SH3RF3: variants seen among roughly 807,000 people sequenced by gnomAD.
The protein encoded by SH3RF3 is SH3 domain containing ring finger 3.
In SH3RF3, 29 loss-of-function variants were observed where a neutral mutation model predicts 66.3. The observed-to-expected ratio is 0.44, with a 90% CI of 0.33 to 0.60. SH3RF3 has a LOEUF of 0.60. SH3RF3 is among the 20% of genes least tolerant of loss of function. The pLI, the probability that SH3RF3 is intolerant of heterozygous loss-of-function variation, is 0.04. For synonymous variants in SH3RF3, 583 were observed against 532.0 expected, an observed-to-expected ratio of 1.10 and a Z score of -1.32; for missense variants, 1,194 against 1,190.9, an observed-to-expected ratio of 1.00 and a Z score of -0.04.
intron 1 of SH3RF3, among the ~76,000 whole-genome samples, chr2:109,133,804 T>G (rs1209971771): frequency 2.6e-5 from 4 of 151,648 alleles, no homozygotes; most frequent in African/African-American, 9.7e-5. Context: ...GCATTATGAG[T>G]ACAACTTGCA....
At chr2:109,396,538 A>G (rs1676150717) in intron 3 of SH3RF3, among the ~76,000 whole-genome samples, 1 of 152,152 alleles carries the variant, frequency 6.6e-6, no homozygotes, top group African/African-American at 2.4e-5. Flanking sequence ...ATGCCACTTA[A>G]ACTCAGCAGG....
intron 1 of SH3RF3, among the ~76,000 whole-genome samples, chr2:109,133,784 T>G (rs993614330): frequency 2.6e-5 from 4 of 151,406 alleles, no homozygotes; most frequent in African/African-American, 9.7e-5. Context: ...TGAATTATGG[T>G]GCATATTTAG....
rs373793838 is a variant in SH3RF3, at chr2:109,419,592, G to A, written c.1353G>A (p.Ser451=). 3.2e-5 allele frequency: 51 copies of A among 1,596,766 alleles called. No homozygotes were observed. The highest frequency in any genetic ancestry group is 1.4e-4 in the South Asian group (12 of 87,892). ...CCACGGCTGTCCCACGGGCTGCCTC[G>A]GTGTCTGGAGAGCAGGGCACGCCTC... The part of the protein sequence containing the change: ...STPTAVPRAA[S]VSGEQGTPPK... Residue 451 remains serine (S), a synonymous_variant, in exon 5 of 10, where the codon TCG becomes TCA. Coordinates refer to ENST00000309415, the MANE Select transcript of SH3RF3 (RefSeq NM_001099289.3).
chr2:109,265,816 GAAAT>G (rs1558990676), intron 1 of SH3RF3, among the ~76,000 whole-genome samples: 1 of 152,224 alleles, frequency 6.6e-6, no homozygotes, highest in Non-Finnish European at 1.5e-5. Context: ...AGGGCAGAGA[GAAAT>G]AATGAGAGGT....
chr2:109,165,869 C>T (rs1677607858), intron 1 of SH3RF3, among the ~76,000 whole-genome samples: 1 of 152,242 alleles, frequency 6.6e-6, no homozygotes, highest in African/African-American at 2.4e-5. Flanking sequence ...TCTACGTGTG[C>T]CCAGGCTGGA....
At chr2:109,460,479 T>C (rs1678181331) in intron 8 of SH3RF3, among the ~76,000 whole-genome samples, 1 of 152,148 alleles carries the variant, frequency 6.6e-6, no homozygotes, top group Non-Finnish European at 1.5e-5. Context: ...GCTGAGCCCA[T>C]GCATCACCTC....
intron 3 of SH3RF3, among the ~76,000 whole-genome samples, chr2:109,383,853 T>C (rs1675756319): frequency 6.6e-6 from 1 of 152,186 alleles, no homozygotes. Flanking sequence ...AGTCCGTCCT[T>C]ATACCCTTTA....
At chr2:109,361,533 G>A (rs1023684401) in intron 2 of SH3RF3, among the ~76,000 whole-genome samples, 3 of 152,090 alleles carry the variant, frequency 2.0e-5, no homozygotes, top group African/African-American at 7.2e-5. Context: ...GAGTGCAGTG[G>A]CGCGATCTTG....
At position 109,403,917 on chromosome 2, in the gene SH3RF3, C is replaced by T. The variant is rs73955577; in HGVS notation, c.1299+4974C>T. ...GGCCACTGTGAGGGTGGAGTGAGGGCGTGCGTGCGGGCTGCCCTCCTTGGT... is the reference window on the plus strand; with the variant it reads ...GGCCACTGTGAGGGTGGAGTGAGGGTGTGCGTGCGGGCTGCCCTCCTTGGT... On this transcript the variant is annotated intron_variant, in intron 4 of 9. Coordinates refer to ENST00000309415, the MANE Select transcript of SH3RF3 (RefSeq NM_001099289.3). Among the ~76,000 whole-genome samples, 1,246 of 152,316 alleles carry T rather than the reference C, an allele frequency of 8.2e-3. 11 individuals are homozygous for T. The highest frequency in any genetic ancestry group is 0.028 in the African/African-American group (1,174 of 41,558).
intron 7 of SH3RF3, 22 bp from the exon 8 acceptor site, chr2:109,449,148 G>C: frequency 6.2e-7 from 1 of 1,608,958 alleles, no homozygotes; most frequent in South Asian, 1.1e-5. Context: ...TCAACCTGCT[G>C]TCTCTCCAAC....
At chr2:109,163,004 T>A (rs955309891) in intron 1 of SH3RF3, among the ~76,000 whole-genome samples, 1 of 152,214 alleles carries the variant, frequency 6.6e-6, no homozygotes, top group African/African-American at 2.4e-5. Flanking sequence ...ACTCCTTTGA[T>A]TTGGAGGGAA....
chr2:109,217,692 C>T (rs1375646103), intron 1 of SH3RF3, among the ~76,000 whole-genome samples: 7 of 152,290 alleles, frequency 4.6e-5, no homozygotes, highest in African/African-American at 7.2e-5. Flanking sequence ...ACCAGATGTC[C>T]GAAGACCTTT....
intron 1 of SH3RF3, among the ~76,000 whole-genome samples, chr2:109,332,643 A>G (rs923150640): frequency 2.0e-5 from 3 of 152,178 alleles, no homozygotes; most frequent in Non-Finnish European, 4.4e-5. Flanking sequence ...TGGGTGGAAC[A>G]TCCTCTAATT....
intron 1 of SH3RF3, among the ~76,000 whole-genome samples, chr2:109,188,316 T>C (rs909690145): frequency 3.9e-5 from 6 of 152,180 alleles, no homozygotes; most frequent in African/African-American, 1.4e-4. Flanking sequence ...AAATGGAAGC[T>C]GTCTGGCCTG....
intron 1 of SH3RF3, among the ~76,000 whole-genome samples, chr2:109,302,579 T>C (rs1681496308): frequency 6.6e-6 from 1 of 151,868 alleles, no homozygotes; most frequent in Admixed American, 6.5e-5. Flanking sequence ...CTGCTGACAG[T>C]GCTAAATTTT....
intron 2 of SH3RF3, among the ~76,000 whole-genome samples, chr2:109,366,315 G>A (rs552336384): frequency 6.6e-6 from 1 of 152,290 alleles, no homozygotes; most frequent in South Asian, 2.1e-4. Context: ...GTAAATTACA[G>A]TAAATTCATA....
intron 1 of SH3RF3, among the ~76,000 whole-genome samples, chr2:109,292,628 A>G (rs775405052): frequency 3.9e-5 from 6 of 151,984 alleles, no homozygotes; most frequent in Admixed American, 1.3e-4. Context: ...CCTCTTGCCA[A>G]TTTTCTATCT....
At chr2:109,266,439 C>G (rs1308311344) in intron 1 of SH3RF3, among the ~76,000 whole-genome samples, 1 of 152,122 alleles carries the variant, frequency 6.6e-6, no homozygotes, top group African/African-American at 2.4e-5. Context: ...AGTCTGAGGA[C>G]TTGACAAGGG....
At chr2:109,297,901 C>CA (rs559571957) in intron 1 of SH3RF3, among the ~76,000 whole-genome samples, 411 of 152,186 alleles carry the variant, frequency 2.7e-3, no homozygotes, top group Admixed American at 7.3e-3. Context: ...TGCCCACAAC[C>CA]ATGTCAATGC....
Sources: gnomAD v4.1 joint callset for allele counts (sites outside exome capture counted in the v4.1 genomes callset) on GRCh38, gnomAD v4.1.1 for gene constraint, MANE v1.5 for transcripts, NCBI Gene and HGNC (gene_info 2026-07-23, HGNC 2026-07-21) for gene names.